The following MMACHC variants were observed in gnomAD, a reference collection of about 807,000 sequenced individuals.
The protein encoded by MMACHC is metabolism of cobalamin associated C.
Under a neutral mutation model 17.6 loss-of-function variants are expected in MMACHC, and 14 were observed. That is an observed-to-expected ratio of 0.80 (90% CI 0.53 to 1.25). The LOEUF is 1.25. Among genes scored for constraint, MMACHC ranks in the 50% most tolerant of loss-of-function variants. The probability of loss-of-function intolerance (pLI) is 0.00; values close to 1 mark genes in which losing one functional copy is unlikely to be tolerated. For synonymous variants in MMACHC, 151 were observed against 142.1 expected, an observed-to-expected ratio of 1.06 and a Z score of -0.45; for missense variants, 392 against 364.5, an observed-to-expected ratio of 1.08 and a Z score of -0.62.
At position 45,508,290 on chromosome 1, in the gene MMACHC, A is replaced by G. The variant is rs778671895; in HGVS notation, c.355A>G (p.Thr119Ala). The G allele has an allele frequency of 3.2e-5, 52 of 1,614,072 alleles. No individual in the cohort carries two copies. Among genetic ancestry groups the G allele is most frequent in the Non-Finnish European group, 3.7e-5 (44 of 1,180,036 alleles). ...CCGACGCCCCAAGATCCTGGCCCAGACAGCAGCCCATGTAGCTGGGGCTGC... is the reference window on the plus strand; with the variant it reads ...CCGACGCCCCAAGATCCTGGCCCAGGCAGCAGCCCATGTAGCTGGGGCTGC... ...PNRRPKILAQ[T>A]AAHVAGAAYY... The change falls in exon 3 of 4, where the codon ACA becomes GCA. Residue 119 changes from threonine to alanine, a missense_variant. Thr to Ala is a moderately conservative substitution (Grantham distance 58). Coordinates refer to ENST00000401061, the MANE Select transcript of MMACHC (RefSeq NM_015506.3).
chr1:45,509,219 T>G lies in MMACHC; in HGVS notation c.*4T>G. 1 of 1,613,986 alleles carries G rather than the reference T, an allele frequency of 6.2e-7. No individual in the cohort carries two copies. Among genetic ancestry groups the G allele is most frequent in the Admixed American group, 1.7e-5 (1 of 60,000 alleles). On this transcript the variant is annotated 3_prime_UTR_variant, in exon 4 of 4. Coordinates refer to ENST00000401061, the MANE Select transcript of MMACHC (RefSeq NM_015506.3). The stretch of plus-strand genomic sequence containing the variant: ...ACCTGCATCCCCTGGCCCTTGATTT[T>G]CTCCCATGTGGACCCTGATTTATGG...
rs201777449 is a variant in MMACHC, at chr1:45,507,456, G to A, written c.182G>A (p.Arg61Gln). The stretch of plus-strand genomic sequence containing the variant: ...CTCAGCACGCCTGCCATGTTTGACC[G>A]GGCCCTCAAGCCCTTCTTGCAGAGC... ...LVLSTPAMFDRALKPFLQSCH... is the reference protein window; with the variant it reads ...LVLSTPAMFDQALKPFLQSCH... The change falls in exon 2 of 4, where the codon CGG becomes CAG. Residue 61 changes from arginine (R) to glutamine (Q), a missense_variant. Arg to Gln is a conservative substitution (Grantham distance 43, BLOSUM62 1). Transcript: ENST00000401061. 298 of 1,613,980 alleles carry A rather than the reference G, an allele frequency of 1.8e-4. No homozygotes were observed. Among genetic ancestry groups the A allele is most frequent in the Middle Eastern group, 1.3e-3 (8 of 6,084 alleles).
Position 45,511,587 on chromosome 1 carries a change from T to A in MMACHC, c.*2372T>A. On this transcript the variant is annotated 3_prime_UTR_variant, in exon 4 of 4. Transcript: ENST00000401061. ...ATGAGCTAACCATTTTACAAACATA[T>A]AATCATCACCACAGCCTTAAGATAC... 2.3e-6 allele frequency: 1 copy of A among 438,446 alleles called. No individual in the cohort carries two copies. The highest frequency in any genetic ancestry group is 4.0e-6 in the Non-Finnish European group (1 of 247,494). 27.2% of individuals were successfully genotyped at this position (438,446 alleles called of 1,614,324 possible). A position where few individuals can be genotyped will look rare whatever the true frequency, so the allele number is the denominator to read the frequency against.
Position 45,507,392 on chromosome 1 carries a change from CACCTACCGCTGCCAGG to C in MMACHC, c.126_141del (p.Leu43TrpfsTer28). The C allele has an allele frequency of 6.2e-7, 1 of 1,614,154 alleles. No individual in the cohort carries two copies. Among genetic ancestry groups the C allele is most frequent in the Non-Finnish European group, 8.5e-7 (1 of 1,180,030 alleles). On this transcript the variant is annotated frameshift_variant, in exon 2 of 4. Coordinates refer to ENST00000401061, the MANE Select transcript of MMACHC (RefSeq NM_015506.3). LOFTEE classifies it high-confidence loss of function. ...CAATGAACTCTTGCCTCCAGCCTTC[CACCTACCGCTGCCAGG>C]ACCTACCCTGGCCTTCCTGGTACTC...
At position 45,509,003 on chromosome 1, in the gene MMACHC, G is replaced by A. The variant is rs759474531; in HGVS notation, c.637G>A (p.Glu213Lys). The A allele has an allele frequency of 6.2e-7, 1 of 1,614,128 alleles. No homozygotes were observed. The highest frequency in any genetic ancestry group is 8.5e-7 in the Non-Finnish European group (1 of 1,180,022). The part of the protein sequence containing the change: ...WTYRDAVTPQ[E>K]RYSEEQKAYF... ...TTACCGGGATGCTGTGACACCCCAG[G>A]AGCGCTACTCAGAAGAGCAGAAGGC... The change falls in exon 4 of 4, where the codon GAG becomes AAG. Residue 213 changes from glutamate (E) to lysine (K), a missense_variant. Glu to Lys is a moderately conservative substitution (Grantham distance 56). Coordinates refer to ENST00000401061, the MANE Select transcript of MMACHC (RefSeq NM_015506.3).
At position 45,509,291 on chromosome 1, in the gene MMACHC, G is replaced by A. The variant is rs1465595429; in HGVS notation, c.*76G>A. 6.6e-7 allele frequency: 1 copy of A among 1,510,274 alleles called. No homozygotes were observed. The highest frequency in any genetic ancestry group is 9.2e-7 in the Non-Finnish European group (1 of 1,087,628). The allele number at this position is 1,510,274 out of a possible 1,614,324, so 93.6% of individuals were successfully genotyped here. ...TGGCTTTGGCAAAGCAAAAGGTTTTGAGTACAAGATTACTATTTTTGATAA... is the reference window on the plus strand; with the variant it reads ...TGGCTTTGGCAAAGCAAAAGGTTTTAAGTACAAGATTACTATTTTTGATAA... On this transcript the variant is annotated 3_prime_UTR_variant, in exon 4 of 4. Coordinates refer to ENST00000401061, the MANE Select transcript of MMACHC (RefSeq NM_015506.3).
chr1:45,507,310 G>C (rs1162831390), intron 1 of MMACHC, 46 bp from the exon 2 acceptor site: 1 of 1,591,104 alleles, frequency 6.3e-7, no homozygotes, highest in African/African-American at 1.3e-5. Flanking sequence ...GCCAGGCTGA[G>C]GCCTAGACTG....
At chr1:45,504,273 A>C (rs1469683285) in intron 1 of MMACHC, among the ~76,000 whole-genome samples, 3 of 152,106 alleles carry the variant, frequency 2.0e-5, no homozygotes, top group African/African-American at 7.2e-5. Flanking sequence ...AAAATGAGCC[A>C]GGTTTGCTGG....
At chr1:45,508,439 G>A in intron 3 of MMACHC, 75 bp downstream of exon 3, 1 of 1,536,216 alleles carries the variant, frequency 6.5e-7, no homozygotes, top group Non-Finnish European at 8.9e-7. Flanking sequence ...ACATTCCTCA[G>A]CCTTCCCTGG....
Position 45,508,805 on chromosome 1 carries a change from G to A in MMACHC, c.439G>A (p.Gly147Ser), listed in dbSNP as rs1553162901. 4 of 1,613,976 alleles carry A rather than the reference G, an allele frequency of 2.5e-6. No homozygotes were observed. The highest frequency in any genetic ancestry group is 3.3e-5 in the Admixed American group (2 of 59,970). The change falls in exon 4 of 4, where the codon GGT (glycine) becomes AGT (serine). Residue 147 changes from glycine to serine, a missense_variant. Coordinates refer to ENST00000401061, the MANE Select transcript of MMACHC (RefSeq NM_015506.3). The part of the protein sequence containing the change: ...ADPWGNQRIS[G>S]VCIHPRFGGW... ...TTCACCCTCTCCCCAGCGCATATCA[G>A]GTGTGTGCATACACCCCCGATTTGG...
rs869087041 is a variant in MMACHC, at chr1:45,512,069, C to CTTTTTTTTTTTTT, written c.*2869_*2881dup. 7.5e-5 allele frequency: 5 copies of CTTTTTTTTTTTTT among 66,904 alleles called. No homozygotes were observed. Among genetic ancestry groups the CTTTTTTTTTTTTT allele is most frequent in the African/African-American group, 1.2e-4 (2 of 17,154 alleles). 4.1% of individuals were successfully genotyped at this position (66,904 alleles called of 1,614,324 possible). A position where few individuals can be genotyped will look rare whatever the true frequency, so the allele number is the denominator to read the frequency against. ...GCAAGGGGACTAATCTCTTATTTTTCTTTTTTTTTTTTTTTTTTTTTTTTT... is the reference window on the plus strand; with the variant it reads ...GCAAGGGGACTAATCTCTTATTTTTCTTTTTTTTTTTTTTTTTTTTTTTTTTTTTTTTTTTTTT... On this transcript the variant is annotated 3_prime_UTR_variant, in exon 4 of 4. Coordinates refer to ENST00000401061, the MANE Select transcript of MMACHC (RefSeq NM_015506.3).
chr1:45,500,467 C>G, intron 1 of MMACHC, 54 bp downstream of exon 1: 1 of 1,578,606 alleles, frequency 6.3e-7, no homozygotes, highest in Non-Finnish European at 8.7e-7. Context: ...GGCTTCGTTG[C>G]AACTGGCGTG....
Position 45,509,436 on chromosome 1 carries a change from CAG to C in MMACHC, c.*224_*225del, listed in dbSNP as rs750345461. The C allele has an allele frequency of 1.1e-4, 32 of 288,964 alleles. 1 individual carries two copies. The highest frequency in any genetic ancestry group is 5.8e-4 in the East Asian group (7 of 12,102). The allele number at this position is 288,964 out of a possible 1,614,324, so 17.9% of individuals were successfully genotyped here. ...AATGAGTTTTTTTTTTTTTTTTAGACAGAGTCTTACTCTGTCACCTAGGCTGG... is the reference window on the plus strand; with the variant it reads ...AATGAGTTTTTTTTTTTTTTTTAGACAGTCTTACTCTGTCACCTAGGCTGG... On this transcript the variant is annotated 3_prime_UTR_variant, in exon 4 of 4. Coordinates refer to ENST00000401061, the MANE Select transcript of MMACHC (RefSeq NM_015506.3).
In MMACHC at chr1:45,508,932, G is replaced by T; in HGVS notation, c.566G>T (p.Arg189Leu). ...PHDCVPTRADRIALLEGFNFH... is the reference protein window; with the variant it reads ...PHDCVPTRADLIALLEGFNFH... ...GACTGTGTACCTACAAGAGCTGACCGTATCGCCCTACTCGAAGGCTTCAAT... is the reference window on the plus strand; with the variant it reads ...GACTGTGTACCTACAAGAGCTGACCTTATCGCCCTACTCGAAGGCTTCAAT... Residue 189 changes from arginine to leucine, a missense_variant, in exon 4 of 4, where the codon CGT becomes CTT. Arg to Leu is a moderately radical substitution (Grantham distance 102, BLOSUM62 -2). Transcript: ENST00000401061. The T allele has an allele frequency of 6.2e-7, 1 of 1,614,168 alleles. No homozygotes were observed. Among genetic ancestry groups the T allele is most frequent in the South Asian group, 1.1e-5 (1 of 91,074 alleles).
At position 45,507,390 on chromosome 1, in the gene MMACHC, T is replaced by G. The variant is rs1643638931; in HGVS notation, c.116T>G (p.Phe39Cys). The G allele has an allele frequency of 6.2e-7, 1 of 1,614,138 alleles. No homozygotes were observed. The change falls in exon 2 of 4, where the codon TTC (phenylalanine) becomes TGC (cysteine). Residue 39 changes from phenylalanine (F) to cysteine (C), a missense_variant. Transcript: ENST00000401061. ...TACAATGAACTCTTGCCTCCAGCCT[T>G]CCACCTACCGCTGCCAGGACCTACC... ...AWYNELLPPA[F>C]HLPLPGPTLA...
chr1:45,508,162 C>G, intron 2 of MMACHC, 50 bp from the exon 3 acceptor site: 1 of 1,606,436 alleles, frequency 6.2e-7, no homozygotes, highest in Non-Finnish European at 8.5e-7. Context: ...CGGACAAGGT[C>G]ATAACTCCCC....
At position 45,509,415 on chromosome 1, in the gene MMACHC, A is replaced by ATTTTT. The variant is rs1557609475; in HGVS notation, c.*200_*201insTTTTT. The ATTTTT allele has an allele frequency of 5.7e-4, 141 of 245,426 alleles. No individual in the cohort carries two copies. The highest frequency in any genetic ancestry group is 3.2e-3 in the African/African-American group (43 of 13,544). The allele number at this position is 245,426 out of a possible 1,614,324, so 15.2% of individuals were successfully genotyped here. A position where few individuals can be genotyped will look rare whatever the true frequency, so the allele number is the denominator to read the frequency against. ...CAGAATTCCCATCTGCCTTCAAATGAGTTTTTTTTTTTTTTTTAGACAGAG... is the reference window on the plus strand; with the variant it reads ...CAGAATTCCCATCTGCCTTCAAATGATTTTTGTTTTTTTTTTTTTTTTAGACAGAG... On this transcript the variant is annotated 3_prime_UTR_variant, in exon 4 of 4. Transcript: ENST00000401061.
At chr1:45,503,214 C>T (rs1415488307) in intron 1 of MMACHC, among the ~76,000 whole-genome samples, 1 of 151,934 alleles carries the variant, frequency 6.6e-6, no homozygotes, top group Non-Finnish European at 1.5e-5. Context: ...GCCTGGCTAA[C>T]ATGGTGAAAT....
chr1:45,508,138 A>T (rs1643661908), intron 2 of MMACHC, 74 bp from the exon 3 acceptor site: 5 of 1,573,134 alleles, frequency 3.2e-6, no homozygotes, highest in Non-Finnish European at 4.4e-6. Context: ...ACACAAAACA[A>T]ACTAGGGCTC....
Sources: gnomAD v4.1 joint callset for allele counts (sites outside exome capture counted in the v4.1 genomes callset) on GRCh38, gnomAD v4.1.1 for gene constraint, MANE v1.5 for transcripts, NCBI Gene and HGNC (gene_info 2026-07-23, HGNC 2026-07-21) for gene names.